The following RAB11FIP5 variants were observed in gnomAD, a reference collection of about 807,000 sequenced individuals.
The protein encoded by RAB11FIP5 is RAB11 family interacting protein 5.
In RAB11FIP5, 48 loss-of-function variants were observed where a neutral mutation model predicts 85.1. That is an observed-to-expected ratio of 0.56 (90% CI 0.45 to 0.72). The LOEUF is 0.72. Ranked by LOEUF, RAB11FIP5 falls within the 30% of genes least tolerant of loss-of-function variation. RAB11FIP5 has a pLI of 0.00. For synonymous variants in RAB11FIP5, 729 were observed against 727.3 expected, an observed-to-expected ratio of 1.00 and a Z score of -0.04; for missense variants, 1,491 against 1,687.0, an observed-to-expected ratio of 0.88 and a Z score of 2.04.
chr2:73,096,132 C>T (rs1451608323), intron 1 of RAB11FIP5, among the ~76,000 whole-genome samples: 1 of 152,166 alleles, frequency 6.6e-6, no homozygotes. Context: ...CCTCAGCCTC[C>T]CCCCACCCAC....
chr2:73,106,302 G>T (rs1253777314), intron 1 of RAB11FIP5, among the ~76,000 whole-genome samples: 1 of 152,192 alleles, frequency 6.6e-6, no homozygotes, highest in Admixed American at 6.5e-5. Flanking sequence ...GGCTGGGGAG[G>T]CAGATGGGTT....
At chr2:73,111,913 C>T (rs1032789751) in intron 1 of RAB11FIP5, among the ~76,000 whole-genome samples, 9 of 152,186 alleles carry the variant, frequency 5.9e-5, no homozygotes, top group African/African-American at 2.2e-4. Flanking sequence ...TTTCCTTCCC[C>T]CGTAGGGCAA....
intron 1 of RAB11FIP5, among the ~76,000 whole-genome samples, chr2:73,104,793 CA>C (rs1684492023): frequency 6.6e-6 from 1 of 152,164 alleles, no homozygotes; most frequent in African/African-American, 2.4e-5. Flanking sequence ...CTGATCACTC[CA>C]ACTGGTGAGC....
chr2:73,077,923 GGC>G (rs1363392103), intron 4 of RAB11FIP5, among the ~76,000 whole-genome samples: 1 of 152,236 alleles, frequency 6.6e-6, no homozygotes, highest in African/African-American at 2.4e-5. Flanking sequence ...CTTAGTCCAA[GGC>G]CCTGAACTCC....
In RAB11FIP5 at chr2:73,080,269, C is replaced by G; in HGVS notation, c.2963G>C (p.Gly988Ala). ...LVEDASPPVS[G>A]PCLSAPASCP... ...GCTGGCGGGTGCAGACAGGCAGGGC[C>G]CAGACACAGGGGGGCTGGCATCCTC... The change falls in exon 4 of 6, where the codon GGG becomes GCG. Residue 988 changes from glycine to alanine, a missense_variant. By Grantham distance (60) the Gly-to-Ala change is moderately conservative (BLOSUM62 0). Around this residue, in one of 3 missense-constraint regions of RAB11FIP5, gnomAD observed 1,211 missense variants for 1,338.0 expected, o/e 0.91. Coordinates refer to ENST00000486777, the MANE Select transcript of RAB11FIP5 (RefSeq NM_001371272.1). The G allele has an allele frequency of 1.6e-6, 2 of 1,233,012 alleles. No individual in the cohort carries two copies. Among genetic ancestry groups the G allele is most frequent in the South Asian group, 8.2e-5 (2 of 24,340 alleles). The allele number at this position is 1,233,012 out of a possible 1,614,324, so 76.4% of individuals were successfully genotyped here.
chr2:73,084,033 G>A (rs965153450), intron 3 of RAB11FIP5: 1 of 152,320 alleles, frequency 6.6e-6, no homozygotes, highest in African/African-American at 2.4e-5. Flanking sequence ...GCAGGGACAA[G>A]AGCGGCAGGG....
chr2:73,095,376 C>CA (rs1033948015), intron 1 of RAB11FIP5, among the ~76,000 whole-genome samples: 20 of 150,808 alleles, frequency 1.3e-4, no homozygotes, highest in East Asian at 3.9e-4. Context: ...CTGCAAAGTG[C>CA]AAAAAAAAAT....
chr2:73,101,144 GC>G, intron 1 of RAB11FIP5, among the ~76,000 whole-genome samples: 1 of 152,282 alleles, frequency 6.6e-6, no homozygotes, highest in South Asian at 2.1e-4. Flanking sequence ...GGCTTGGCCA[GC>G]CCCTGGGAAG....
Position 73,112,392 on chromosome 2 carries a change from A to T in RAB11FIP5, c.386T>A (p.Val129Glu). Reference sequence around the variant, plus strand: ...TGCGCCGAAGACCTCGTCCAGCGCCACCGTGGCCTGGCCCAGGAACTTGTC... The same window carrying T: ...TGCGCCGAAGACCTCGTCCAGCGCCTCCGTGGCCTGGCCCAGGAACTTGTC... The part of the protein sequence containing the change: ...GVDKFLGQAT[V>E]ALDEVFGAGR... Residue 129 changes from valine to glutamate, a missense_variant, in exon 1 of 6, where the codon GTG (valine) becomes GAG (glutamate). By Grantham distance (121) the Val-to-Glu change is moderately radical. This residue lies in a region of RAB11FIP5 where 1,211 missense variants were observed against 1,338.0 expected (regional missense o/e 0.91). Transcript: ENST00000486777. 1 of 1,601,440 alleles carries T rather than the reference A, an allele frequency of 6.2e-7. No homozygotes were observed. Among genetic ancestry groups the T allele is most frequent in the Non-Finnish European group, 8.5e-7 (1 of 1,176,816 alleles).
rs202146507 is a variant in RAB11FIP5, at chr2:73,075,981, G to A, written c.3771+12C>T. On this transcript the variant is annotated intron_variant, in intron 5 of 5. Transcript: ENST00000486777. This position sits in a 1 kb window ranked among gnomAD's most constrained non-coding sequence, Gnocchi z 4.6. ...TTCTGTCAGATGGCCCCCACACCCT[G>A]CTGGGCCTTACCTTCAGCCTTTTGG... 1.2e-6 allele frequency: 2 copies of A among 1,608,254 alleles called. No individual in the cohort carries two copies.
At chr2:73,111,269 T>C (rs1256176746) in intron 1 of RAB11FIP5, among the ~76,000 whole-genome samples, 1 of 152,070 alleles carries the variant, frequency 6.6e-6, no homozygotes, top group Non-Finnish European at 1.5e-5. Context: ...TCATTTGGGT[T>C]TGCACCAGGC....
intron 1 of RAB11FIP5, among the ~76,000 whole-genome samples, chr2:73,107,093 C>G (rs1684543023): frequency 6.6e-6 from 1 of 152,222 alleles, no homozygotes; most frequent in African/African-American, 2.4e-5. Context: ...TCAGTAAGGG[C>G]ACTGTGATCA....
intron 1 of RAB11FIP5, among the ~76,000 whole-genome samples, chr2:73,102,976 A>AC (rs1684458112): frequency 1.3e-5 from 2 of 152,044 alleles, no homozygotes; most frequent in African/African-American, 4.8e-5. Context: ...ACAGTTGGAA[A>AC]ACCCTTTTCC....
chr2:73,111,918 G>A lies in RAB11FIP5; in HGVS notation c.431+429C>T, dbSNP rs991129962. Among the ~76,000 whole-genome samples, 4 of 152,160 alleles carry A rather than the reference G, an allele frequency of 2.6e-5. No homozygotes were observed. The South Asian group carries it at 6.2e-4, about 24-fold the overall frequency. ...GACACCTGGCTTTCCTTCCCCCGTA[G>A]GGCAAGGCTGCGCCTCTCCACTCCC... On this transcript the variant is annotated intron_variant, in intron 1 of 5. Transcript: ENST00000486777.
intron 1 of RAB11FIP5, among the ~76,000 whole-genome samples, chr2:73,101,568 T>G (rs1684429553): frequency 6.6e-6 from 1 of 152,144 alleles, no homozygotes; most frequent in East Asian, 1.9e-4. Context: ...ACACTCCTGC[T>G]CCCACCTGGG....
chr2:73,088,739 A>G lies in RAB11FIP5; in HGVS notation c.879T>C (p.Ser293=), dbSNP rs1558519581. The G allele has an allele frequency of 1.3e-6, 2 of 1,594,984 alleles. No homozygotes were observed. Among genetic ancestry groups the G allele is most frequent in the East Asian group, 2.2e-5 (1 of 44,686 alleles). The change falls in exon 3 of 6, where the codon TCT becomes TCC. Residue 293 remains serine, a synonymous_variant. Transcript: ENST00000486777. The stretch of plus-strand genomic sequence containing the variant: ...GGGTGAACAGCTTGGGGGACTGTGC[A>G]GAGTCCCTGCCTGCAGGGGAAACAC... ...SWLSTEGGRD[S]AQSPKLFTHK... is the part of the protein sequence containing the mutation.
At chr2:73,092,789 T>A (rs1409505100) in intron 1 of RAB11FIP5, among the ~76,000 whole-genome samples, 1 of 152,172 alleles carries the variant, frequency 6.6e-6, no homozygotes, top group African/African-American at 2.4e-5. Context: ...AAATGGAGAA[T>A]GGCCAGGACC....
Position 73,086,473 on chromosome 2 carries a change from A to G in RAB11FIP5, c.1568+1577T>C, listed in dbSNP as rs1280196899. Among the ~76,000 whole-genome samples, 1 of 152,130 alleles carries G rather than the reference A, an allele frequency of 6.6e-6. No individual in the cohort carries two copies. The highest frequency in any genetic ancestry group is 6.5e-5 in the Admixed American group (1 of 15,278). On this transcript the variant is annotated intron_variant, in intron 3 of 5. Transcript: ENST00000486777. The surrounding 1 kb of genome is among the most constrained non-coding windows in gnomAD (Gnocchi z 4.4). ...CACAGCCTGTGGGAGTCCAAGCCCA[A>G]AGCCTGGGCAGGACTCACCTACAAA...
chr2:73,075,581 C>T lies in RAB11FIP5; in HGVS notation c.3915G>A (p.Leu1305=), dbSNP rs1683840248. The T allele has an allele frequency of 3.7e-6, 6 of 1,614,086 alleles. No individual in the cohort carries two copies. The East Asian group carries it at 1.1e-4, about 30-fold the overall frequency. Residue 1305 remains leucine, a synonymous_variant, in exon 6 of 6, where the codon CTG becomes CTA. Transcript: ENST00000486777. This position sits in a 1 kb window ranked among gnomAD's most constrained non-coding sequence, Gnocchi z 4.6. ...TGGGTGAGGTCTCCATGATCCGCAC[C>T]AGCAGCCGGTCGATGTAGCTCTCCA... The part of the protein sequence containing the change: ...QELESYIDRL[L]VRIMETSPTL...
Sources: gnomAD v4.1 joint callset for allele counts (sites outside exome capture counted in the v4.1 genomes callset) on GRCh38, gnomAD v4.1.1 for gene constraint, gnomAD v4.1.1 regional missense constraint, Gnocchi (gnomAD v3.1) non-coding constraint, MANE v1.5 for transcripts, NCBI Gene and HGNC (gene_info 2026-07-23, HGNC 2026-07-21) for gene names.